Variants in GSAP observed in about 807,000 individuals in gnomAD.
GSAP encodes gamma-secretase-activating protein.
In GSAP, 118 loss-of-function variants were observed where a neutral mutation model predicts 131.7. The observed-to-expected ratio is 0.90, with a 90% CI of 0.77 to 1.04. The LOEUF (loss-of-function observed/expected upper bound fraction) is 1.04, where lower values mean the gene tolerates loss of function less well. Among genes scored for constraint, GSAP ranks in the 50% least tolerant of loss-of-function variants. The pLI, the probability that GSAP is intolerant of heterozygous loss-of-function variation, is 0.00. For synonymous variants in GSAP, 381 were observed against 363.4 expected (o/e 1.05, Z -0.55); for missense variants, 1,019 against 1,013.2 (o/e 1.01, Z -0.08).
At chr7:77,374,369 T>C (rs576107198) in intron 11 of GSAP, among the ~76,000 whole-genome samples, 4 of 152,298 alleles carry the variant, frequency 2.6e-5, no homozygotes, top group African/African-American at 9.6e-5. Flanking sequence ...GAAAAAATAT[T>C]ACTTTCATCT....
chr7:77,365,931 TA>T (rs1278985892), intron 12 of GSAP, among the ~76,000 whole-genome samples: 1 of 140,194 alleles, frequency 7.1e-6, no homozygotes, highest in African/African-American at 2.7e-5. Flanking sequence ...TTACTTTTAA[TA>T]ATAGCCATTC....
chr7:77,364,644 C>G (rs1238590743), intron 12 of GSAP, among the ~76,000 whole-genome samples: 1 of 151,976 alleles, frequency 6.6e-6, no homozygotes, highest in Non-Finnish European at 1.5e-5. Context: ...GCACATTGTG[C>G]ACATGTACCC....
In GSAP at chr7:77,362,636, G is replaced by A; in HGVS notation, c.896C>T (p.Pro299Leu). ...GATTTGTCCCCAAGAGGCACACTTC[G>A]GGCTGTAACATACACACAAACTTCC... is the stretch of plus-strand genomic sequence containing the variant. ...HTGSLCVCYSPKCASWGQITY... is the reference protein window; with the variant it reads ...HTGSLCVCYSLKCASWGQITY... Residue 299 changes from proline to leucine, a missense_variant, in exon 13 of 31, where the codon CCG becomes CTG. Physicochemically the swap from Pro to Leu is moderately conservative, Grantham distance 98. Transcript: ENST00000257626. 3 of 1,580,924 alleles carry A rather than the reference G, an allele frequency of 1.9e-6. No homozygotes were observed. The highest frequency in any genetic ancestry group is 1.1e-5 in the South Asian group (1 of 90,166).
chr7:77,371,032 C>T (rs1012181124), intron 12 of GSAP, among the ~76,000 whole-genome samples: 1 of 152,136 alleles, frequency 6.6e-6, no homozygotes, highest in East Asian at 1.9e-4. Flanking sequence ...TCCCTCCTGA[C>T]CAAATACCCC....
intron 24 of GSAP, 105 bp from the exon 25 acceptor site, chr7:77,321,508 T>C (rs768167864): frequency 8.1e-6 from 6 of 737,324 alleles, no homozygotes; most frequent in Non-Finnish European, 1.5e-5. Flanking sequence ...CAGCTGGCAT[T>C]CAGGCTGCAT....
intron 8 of GSAP, chr7:77,379,761 T>C: frequency 2.1e-6 from 1 of 487,332 alleles, no homozygotes; most frequent in Non-Finnish European, 2.7e-6. Flanking sequence ...GCCCTCTCTG[T>C]CCTTGTGCTC....
At chr7:77,345,445 C>A (rs1382289175) in intron 19 of GSAP, among the ~76,000 whole-genome samples, 1 of 152,174 alleles carries the variant, frequency 6.6e-6, no homozygotes, top group Non-Finnish European at 1.5e-5. Context: ...TATAAGAAGA[C>A]AGGACTATCA....
At position 77,360,889 on chromosome 7, in the gene GSAP, G is replaced by T; in HGVS notation, c.962C>A (p.Thr321Asn). ...AACATTCTCAAGAGAAGTGGTGAAG[G>T]TCTTGCTGTGTCCTGCAAAGAGAGA... Reference protein sequence around the residue: ...VFYIHKGHSKTFTTSLENVGS... With the variant: ...VFYIHKGHSKNFTTSLENVGS... The change falls in exon 14 of 31, where the codon ACC (threonine) becomes AAC (asparagine). Residue 321 changes from threonine (T) to asparagine (N), a missense_variant. Physicochemically the swap from Thr to Asn is moderately conservative, Grantham distance 65. Coordinates refer to ENST00000257626, the MANE Select transcript of GSAP (RefSeq NM_017439.4). 6.3e-7 allele frequency: 1 copy of T among 1,591,288 alleles called. No homozygotes were observed. Among genetic ancestry groups the T allele is most frequent in the Non-Finnish European group, 8.6e-7 (1 of 1,159,578 alleles).
chr7:77,342,922 C>T (rs1562980692), intron 19 of GSAP, among the ~76,000 whole-genome samples: 1 of 152,142 alleles, frequency 6.6e-6, no homozygotes, highest in Non-Finnish European at 1.5e-5. Flanking sequence ...CTCCACAACC[C>T]ATTATTCTAT....
chr7:77,346,958 CT>C (rs1253690254), intron 19 of GSAP, among the ~76,000 whole-genome samples: 6 of 148,854 alleles, frequency 4.0e-5, no homozygotes, highest in Non-Finnish European at 7.4e-5. Context: ...CCCCACCCCC[CT>C]GCCTTTCTGA....
chr7:77,395,321 A>G (rs1251074578), intron 5 of GSAP, among the ~76,000 whole-genome samples: 1 of 152,150 alleles, frequency 6.6e-6, no homozygotes, highest in Non-Finnish European at 1.5e-5. Flanking sequence ...CTCCAGGAAC[A>G]CAGCAGCTAG....
intron 7 of GSAP, 59 bp from the exon 8 acceptor site, chr7:77,381,413 T>C (rs1389828590): frequency 2.4e-6 from 2 of 833,318 alleles, no homozygotes; most frequent in Non-Finnish European, 3.8e-6. Flanking sequence ...GAGTACTATT[T>C]TTGCCTAACT....
chr7:77,329,123 T>TA (rs1422066382), intron 21 of GSAP, among the ~76,000 whole-genome samples: 2 of 152,178 alleles, frequency 1.3e-5, no homozygotes, highest in Non-Finnish European at 2.9e-5. Flanking sequence ...TACAAGTCTA[T>TA]AAGGTTCAAC....
chr7:77,372,819 T>G (rs949567503), intron 12 of GSAP, among the ~76,000 whole-genome samples: 1 of 152,240 alleles, frequency 6.6e-6, no homozygotes, highest in Non-Finnish European at 1.5e-5. Context: ...AGGTCCCACA[T>G]AGCCTGGCCC....
At chr7:77,356,007 G>T (rs1259168474) in intron 14 of GSAP, among the ~76,000 whole-genome samples, 13 of 140,862 alleles carry the variant, frequency 9.2e-5, no homozygotes, top group Admixed American at 8.9e-4. Context: ...GCCCAGGCTG[G>T]TCTTGAACTC....
At chr7:77,403,644 A>C (rs981550334) in intron 3 of GSAP, among the ~76,000 whole-genome samples, 2 of 152,256 alleles carry the variant, frequency 1.3e-5, no homozygotes, top group Non-Finnish European at 2.9e-5. Flanking sequence ...AAGGTTAAGC[A>C]GAAGCAGAAA....
At chr7:77,343,988 G>GC (rs1287121160) in intron 19 of GSAP, among the ~76,000 whole-genome samples, 2 of 152,100 alleles carry the variant, frequency 1.3e-5, no homozygotes, top group South Asian at 4.1e-4. Context: ...TTGAGGATTT[G>GC]CCCCTGCCCA....
intron 5 of GSAP, among the ~76,000 whole-genome samples, chr7:77,395,616 T>G (rs1800246842): frequency 6.6e-6 from 1 of 152,002 alleles, no homozygotes; most frequent in Admixed American, 6.6e-5. Context: ...GCAATACAAA[T>G]GATGAGATTT....
Position 77,320,749 on chromosome 7 carries a change from T to C in GSAP, c.2065A>G (p.Ser689Gly), listed in dbSNP as rs1562894063. Residue 689 changes from serine to glycine, a missense_variant, in exon 26 of 31, where the codon AGT becomes GGT. By Grantham distance (56) the Ser-to-Gly change is moderately conservative. Coordinates refer to ENST00000257626, the MANE Select transcript of GSAP (RefSeq NM_017439.4). ...CCAGGAGGCAGAGGTAAAAACAAAC[T>C]GTTTGTAGCTTCCAGAATCCTGGTC... ...IMTRILEATN[S>G]LFLPLPPGFH... The C allele has an allele frequency of 1.2e-6, 2 of 1,608,674 alleles. No homozygotes were observed. The highest frequency in any genetic ancestry group is 1.1e-5 in the South Asian group (1 of 90,984).
Sources: allele counts gnomAD v4.1 joint callset (sites outside exome capture counted in the v4.1 genomes callset), GRCh38; gene constraint gnomAD v4.1.1; transcripts MANE v1.5; gene names NCBI Gene and HGNC (gene_info 2026-07-23, HGNC 2026-07-21).